The following TENM3 variants were observed in gnomAD, a reference collection of about 807,000 sequenced individuals.
TENM3 encodes teneurin-3.
In TENM3, 63 loss-of-function variants were observed where a neutral mutation model predicts 255.1. The observed-to-expected ratio is 0.25, with a 90% CI of 0.20 to 0.30. The LOEUF (loss-of-function observed/expected upper bound fraction) is 0.30. Ranked by LOEUF, TENM3 falls within the 10% of genes least tolerant of loss-of-function variation. TENM3 has a pLI of 1.00. For synonymous variants in TENM3, 1,306 were observed against 1,322.3 expected (o/e 0.99, Z 0.27); for missense variants, 2,929 against 3,461.1 (o/e 0.85, Z 3.86).
the TENM3 span, among the ~76,000 whole-genome samples, chr4:181,839,597 A>G: frequency 1.3e-3 from 188 of 150,270 alleles, 2 homozygotes; most frequent in African/African-American, 4.5e-3. Flanking sequence ...ACACTTTCTC[A>G]GTTTTTGTTT....
chr4:182,639,470 A>G (rs957993880), intron 5 of TENM3, among the ~76,000 whole-genome samples: 3 of 152,176 alleles, frequency 2.0e-5, no homozygotes, highest in African/African-American at 4.8e-5. Context: ...ATTAAGTACT[A>G]TTATCCACAC....
At chr4:181,621,069 G>A in the TENM3 span, among the ~76,000 whole-genome samples, 6 of 152,156 alleles carry the variant, frequency 3.9e-5, no homozygotes, top group African/African-American at 1.4e-4. Context: ...AGAGGAGATA[G>A]AAGGAATAGC....
chr4:182,300,669 T>C lies in TENM3; in HGVS notation c.-75-23277T>C, dbSNP rs539457473. On this transcript the variant is annotated intron_variant, in intron 1 of 27. Coordinates refer to ENST00000511685, the MANE Select transcript of TENM3 (RefSeq NM_001080477.4). Reference sequence around the variant, plus strand: ...AAATGAGACTTGATATTTTACCTTTTCAGCTGTAGAATTCTCTAGCTCGTT... The same window carrying C: ...AAATGAGACTTGATATTTTACCTTTCCAGCTGTAGAATTCTCTAGCTCGTT... 2.0e-5 allele frequency among the ~76,000 whole-genome samples: 3 copies of C among 152,322 alleles called. No homozygotes were observed. In the South Asian group the frequency reaches 6.2e-4, roughly 32 times the overall value.
the TENM3 span, among the ~76,000 whole-genome samples, chr4:181,665,738 T>C: frequency 6.6e-6 from 1 of 152,104 alleles, no homozygotes; most frequent in Non-Finnish European, 1.5e-5. Flanking sequence ...CTAGCACATT[T>C]AACACCTGGA....
At chr4:182,637,202 TCAAA>T (rs1179636899) in intron 5 of TENM3, among the ~76,000 whole-genome samples, 4 of 152,320 alleles carry the variant, frequency 2.6e-5, no homozygotes, top group Non-Finnish European at 5.9e-5. Flanking sequence ...GGAAACTATA[TCAAA>T]CAAAGGTTTC....
chr4:182,177,601 C>CCT (rs1238388228), intron 1 of TENM3, among the ~76,000 whole-genome samples: 45 of 137,940 alleles, frequency 3.3e-4, no homozygotes, highest in South Asian at 1.2e-3. Flanking sequence ...ATTTGGCATA[C>CCT]ATATATATAT....
the TENM3 span, among the ~76,000 whole-genome samples, chr4:181,868,441 G>A: frequency 6.6e-6 from 1 of 152,128 alleles, no homozygotes; most frequent in African/African-American, 2.4e-5. Flanking sequence ...TGTAACAGCT[G>A]TTTTGCCAGA....
At chr4:181,935,353 G>A in the TENM3 span, among the ~76,000 whole-genome samples, 2 of 152,316 alleles carry the variant, frequency 1.3e-5, no homozygotes, top group East Asian at 1.9e-4. Context: ...TCCACCTTAA[G>A]CTCTGAGCTC....
chr4:181,570,587 G>T, the TENM3 span, among the ~76,000 whole-genome samples: 2 of 147,584 alleles, frequency 1.4e-5, no homozygotes, highest in African/African-American at 5.0e-5. Flanking sequence ...GAGAGAAAAA[G>T]AAAGAAAAAG....
chr4:182,371,229 T>TCACACACA (rs3221610), intron 3 of TENM3, among the ~76,000 whole-genome samples: 15,412 of 144,130 alleles, frequency 0.11, 923 homozygotes, highest in Non-Finnish European at 0.14. Context: ...CTCCTCCCCA[T>TCACACACA]CACACACACA....
the TENM3 span, among the ~76,000 whole-genome samples, chr4:181,513,288 C>G: frequency 6.6e-6 from 1 of 152,062 alleles, no homozygotes; most frequent in Non-Finnish European, 1.5e-5. Context: ...TATAAATATT[C>G]ACATGCAAGG....
At chr4:182,201,987 A>G (rs1213990277) in intron 1 of TENM3, among the ~76,000 whole-genome samples, 1 of 152,232 alleles carries the variant, frequency 6.6e-6, no homozygotes, top group African/African-American at 2.4e-5. Flanking sequence ...TCTTTATGTA[A>G]TCATAGTAAC....
intron 3 of TENM3, among the ~76,000 whole-genome samples, chr4:182,580,502 T>A (rs569322191): frequency 6.6e-6 from 1 of 152,202 alleles, no homozygotes; most frequent in Admixed American, 6.5e-5. Flanking sequence ...TTTTTTTCAA[T>A]CAGGATGAAA....
chr4:181,711,734 A>C, the TENM3 span, among the ~76,000 whole-genome samples: 1 of 152,128 alleles, frequency 6.6e-6, no homozygotes, highest in Non-Finnish European at 1.5e-5. Flanking sequence ...GTGAGCACAG[A>C]CCTTGAAGGT....
intron 3 of TENM3, among the ~76,000 whole-genome samples, chr4:182,420,398 TTCTC>T (rs914677364): frequency 9.2e-5 from 14 of 152,190 alleles, no homozygotes; most frequent in Non-Finnish European, 1.5e-4. Flanking sequence ...ATTCATAACT[TTCTC>T]TCTCAGTCAC....
Position 182,754,263 on chromosome 4 carries a change from A to G in TENM3, c.4018-122A>G, listed in dbSNP as rs1376236817. On this transcript the variant is annotated intron_variant, in intron 21 of 27. Transcript: ENST00000511685. The surrounding 1 kb of genome is among the most constrained non-coding windows in gnomAD (Gnocchi z 5.1). Reference sequence around the variant, plus strand: ...TTATTTTACTGAGGCTATTGAAAAAACTATTATCAGACAGTTTATCTCAGA... The same window carrying G: ...TTATTTTACTGAGGCTATTGAAAAAGCTATTATCAGACAGTTTATCTCAGA... 21 of 1,031,046 alleles carry G rather than the reference A, an allele frequency of 2.0e-5. No homozygotes were observed. The highest frequency in any genetic ancestry group is 2.6e-5 in the Non-Finnish European group (19 of 730,550). 63.9% of individuals were successfully genotyped at this position (1,031,046 alleles called of 1,614,324 possible). A position where few individuals can be genotyped will look rare whatever the true frequency, so the allele number is the denominator to read the frequency against.
At chr4:182,341,489 A>T (rs1764484995) in intron 2 of TENM3, among the ~76,000 whole-genome samples, 1 of 152,188 alleles carries the variant, frequency 6.6e-6, no homozygotes, top group Non-Finnish European at 1.5e-5. Context: ...CTTAAAATAT[A>T]TACAAACGAG....
the TENM3 span, among the ~76,000 whole-genome samples, chr4:181,935,805 G>A: frequency 3.9e-5 from 6 of 152,090 alleles, no homozygotes; most frequent in South Asian, 2.1e-4. Context: ...TTCTTGAAGC[G>A]CACTCTACCG....
chr4:182,299,746 G>A (rs998281018), intron 1 of TENM3, among the ~76,000 whole-genome samples: 1 of 151,924 alleles, frequency 6.6e-6, no homozygotes, highest in Non-Finnish European at 1.5e-5. Flanking sequence ...TGATTGAAAA[G>A]TGACTGATGG....
Sources: allele counts gnomAD v4.1 joint callset (sites outside exome capture counted in the v4.1 genomes callset), GRCh38; gene constraint gnomAD v4.1.1; non-coding constraint Gnocchi (gnomAD v3.1); transcripts MANE v1.5; gene names NCBI Gene and HGNC (gene_info 2026-07-23, HGNC 2026-07-21).